RFFL: variants seen among roughly 807,000 people sequenced by gnomAD.
The protein encoded by RFFL is E3 ubiquitin-protein ligase rififylin.
In RFFL, 16 loss-of-function variants were observed where a neutral mutation model predicts 40.4. The ratio of observed to expected loss-of-function variants is 0.40; its 90% CI spans 0.27 to 0.60. RFFL has a LOEUF of 0.60. Among genes scored for constraint, RFFL ranks in the 20% least tolerant of loss-of-function variants. The pLI is 0.47. For synonymous variants in RFFL, 154 were observed against 167.9 expected, an observed-to-expected ratio of 0.92 and a Z score of 0.64; for missense variants, 367 against 451.7, an observed-to-expected ratio of 0.81 and a Z score of 1.70.
chr17:35,087,302 G>A (rs989767735), intron 1 of RFFL, among the ~76,000 whole-genome samples: 10 of 151,696 alleles, frequency 6.6e-5, no homozygotes, highest in Non-Finnish European at 1.0e-4. Flanking sequence ...AGTGAGCCAT[G>A]ATTACGCCAC....
chr17:35,011,383 C>G lies in RFFL; in HGVS notation c.*585G>C, dbSNP rs970783795. On this transcript the variant is annotated 3_prime_UTR_variant, in exon 7 of 7. Coordinates refer to ENST00000394597, the MANE Select transcript of RFFL (RefSeq NM_001017368.2). ...ATAGCATTTGTATTTCATTTCTCAC[C>G]AAAGATAAGTTTACTGGTCTAAAAT... 1 of 152,150 alleles carries G rather than the reference C, an allele frequency of 6.6e-6. No homozygotes were observed. Among genetic ancestry groups the G allele is most frequent in the Non-Finnish European group, 1.5e-5 (1 of 68,028 alleles). 9.4% of individuals were successfully genotyped at this position (152,150 alleles called of 1,614,324 possible).
rs2142300064 is a variant in RFFL, at chr17:35,006,656, ACT to A, written c.*5310_*5311del. On this transcript the variant is annotated 3_prime_UTR_variant, in exon 7 of 7. Coordinates refer to ENST00000394597, the MANE Select transcript of RFFL (RefSeq NM_001017368.2). ...GTGTGCATGTTCCAGCCAACACTCC[ACT>A]CTGAGTGCAGGCTCATCAGGACACC... 1 of 152,130 alleles carries A rather than the reference ACT, an allele frequency of 6.6e-6. No individual in the cohort carries two copies. The highest frequency in any genetic ancestry group is 2.4e-5 in the African/African-American group (1 of 41,476). 9.4% of individuals were successfully genotyped at this position (152,130 alleles called of 1,614,324 possible). A position where few individuals can be genotyped will look rare whatever the true frequency, so the allele number is the denominator to read the frequency against.
intron 3 of RFFL, among the ~76,000 whole-genome samples, chr17:35,019,709 TCTC>T: frequency 6.6e-6 from 1 of 151,624 alleles, no homozygotes; most frequent in East Asian, 1.9e-4. Context: ...CTCAAGTTCT[TCTC>T]CTGGCTCCTT....
At chr17:35,067,698 G>A (rs1365506992), upstream of RFFL, among the ~76,000 whole-genome samples, 3 of 151,846 alleles carry the variant, frequency 2.0e-5, no homozygotes, top group East Asian at 1.9e-4. Context: ...CAAGTGATCC[G>A]CCCGTCTCAG....
chr17:35,069,003 C>T (rs1207727987), intron 1 of RFFL, among the ~76,000 whole-genome samples: 2 of 152,166 alleles, frequency 1.3e-5, no homozygotes. Context: ...TGTCATCAAA[C>T]TCCATCACCT....
At chr17:35,029,842 TCCC>T (rs2091070628) in intron 1 of RFFL, among the ~76,000 whole-genome samples, 1 of 103,084 alleles carries the variant, frequency 9.7e-6, no homozygotes, top group Non-Finnish European at 2.0e-5. Context: ...CCCTCCCCCC[TCCC>T]CCAACGCCAC....
intron 1 of RFFL, among the ~76,000 whole-genome samples, chr17:35,054,779 C>T (rs2091250590): frequency 1.3e-5 from 2 of 152,048 alleles, no homozygotes; most frequent in Admixed American, 1.3e-4. Flanking sequence ...TTCTGTGTGA[C>T]CTGTTAAGGT....
chr17:35,029,155 CAGGAACTTAAGTTCCT>C, intron 1 of RFFL, among the ~76,000 whole-genome samples: 1 of 151,804 alleles, frequency 6.6e-6, no homozygotes, highest in Non-Finnish European at 1.5e-5. Context: ...ACTTAGTTCC[CAGGAACTTAAGTTCCT>C]AGAATAAGAA....
At chr17:35,013,984 T>C (rs1315796958) in intron 6 of RFFL, among the ~76,000 whole-genome samples, 1 of 152,182 alleles carries the variant, frequency 6.6e-6, no homozygotes, top group East Asian at 1.9e-4. Flanking sequence ...TTTTACTAAA[T>C]AAATTTGGGA....
At position 35,007,698 on chromosome 17, in the gene RFFL, T is replaced by C. The variant is rs899339370; in HGVS notation, c.*4270A>G. On this transcript the variant is annotated 3_prime_UTR_variant, in exon 7 of 7. Coordinates refer to ENST00000394597, the MANE Select transcript of RFFL (RefSeq NM_001017368.2). ...CTGGTCAGGGAGGTTTGTACAAGCC[T>C]GCGCACACACAGCAGTCTGTCACGA... The C allele has an allele frequency of 2.0e-5, 3 of 152,174 alleles. No homozygotes were observed. The highest frequency in any genetic ancestry group is 4.4e-5 in the Non-Finnish European group (3 of 68,070). The allele number at this position is 152,174 out of a possible 1,614,324, so 9.4% of individuals were successfully genotyped here.
At chr17:35,014,887 G>T in intron 5 of RFFL, 124 bp from the exon 6 acceptor site, 1 of 900,882 alleles carries the variant, frequency 1.1e-6, no homozygotes, top group Non-Finnish European at 1.8e-6. Flanking sequence ...CTTGCCAAGA[G>T]CCTAGATGGA....
chr17:35,009,681 A>G lies in RFFL; in HGVS notation c.*2287T>C, dbSNP rs1434644706. ...AAAGATTTAAAGGCAAAATGAGTAA[A>G]CAACCTCAGTTTTAATTCTTACTGA... On this transcript the variant is annotated 3_prime_UTR_variant, in exon 7 of 7. Coordinates refer to ENST00000394597, the MANE Select transcript of RFFL (RefSeq NM_001017368.2). The G allele has an allele frequency of 3.9e-5, 6 of 152,186 alleles. No homozygotes were observed. Among genetic ancestry groups the G allele is most frequent in the Non-Finnish European group, 8.8e-5 (6 of 68,034 alleles). 9.4% of individuals were successfully genotyped at this position (152,186 alleles called of 1,614,324 possible).
At position 35,019,728 on chromosome 17, in the gene RFFL, T is replaced by C. The variant is rs1196779191; in HGVS notation, c.591+1643A>G. Among the ~76,000 whole-genome samples the C allele has an allele frequency of 2.0e-5, 3 of 149,784 alleles. No homozygotes were observed. The East Asian group carries it at 5.9e-4, about 29-fold the overall frequency. ...AGTTCTTCTCCTGGCTCCTTATACA[T>C]AGAGTGGAAAAAAAAAAAACACAAG... On this transcript the variant is annotated intron_variant, in intron 3 of 6. Coordinates refer to ENST00000394597, the MANE Select transcript of RFFL (RefSeq NM_001017368.2).
chr17:35,038,816 T>C (rs12940238), intron 1 of RFFL, among the ~76,000 whole-genome samples: 3,826 of 152,356 alleles, frequency 0.025, 166 homozygotes, highest in African/African-American at 0.086. Context: ...ATGCTGATTA[T>C]GTAGATATGT....
intron 1 of RFFL, among the ~76,000 whole-genome samples, chr17:35,050,469 C>T (rs994335113): frequency 1.5e-4 from 23 of 152,060 alleles, no homozygotes; most frequent in Non-Finnish European, 2.8e-4. Context: ...TCAGGTGATC[C>T]ACCCACTTCA....
intron 2 of RFFL, among the ~76,000 whole-genome samples, chr17:35,024,044 C>A (rs2091026153): frequency 1.3e-5 from 2 of 152,180 alleles, no homozygotes; most frequent in Non-Finnish European, 2.9e-5. Context: ...ACTCAGTAAC[C>A]AGGTAGCATG....
chr17:35,085,738 T>C (rs2091426226), intron 1 of RFFL, among the ~76,000 whole-genome samples: 1 of 152,200 alleles, frequency 6.6e-6, no homozygotes, highest in South Asian at 2.1e-4. Flanking sequence ...AAGATGCAGA[T>C]TTTATGCTTT....
At chr17:35,029,215 G>A (rs1367728133) in intron 1 of RFFL, among the ~76,000 whole-genome samples, 5 of 151,902 alleles carry the variant, frequency 3.3e-5, no homozygotes, top group South Asian at 2.1e-4. Flanking sequence ...GCAATTAACA[G>A]TTCACATGGA....
chr17:35,045,709 A>G (rs74574294), intron 1 of RFFL, among the ~76,000 whole-genome samples: 1 of 152,138 alleles, frequency 6.6e-6, no homozygotes, highest in East Asian at 1.9e-4. Flanking sequence ...TTAAAAAAAA[A>G]GGACAGAAAT....
Sources: gnomAD v4.1 joint callset for allele counts (sites outside exome capture counted in the v4.1 genomes callset) on GRCh38, gnomAD v4.1.1 for gene constraint, MANE v1.5 for transcripts, NCBI Gene and HGNC (gene_info 2026-07-23, HGNC 2026-07-21) for gene names.